KLHL29: variants seen among roughly 807,000 people sequenced by gnomAD.
KLHL29 encodes the protein kelch-like protein 29.
A neutral mutation model predicts 80.4 loss-of-function variants in KLHL29; 21 were observed. The observed-to-expected ratio is 0.26, with a 90% confidence interval of 0.19 to 0.38. KLHL29 has a LOEUF of 0.38. Among genes scored for constraint, KLHL29 ranks in the 10% least tolerant of loss-of-function variants. The pLI, the probability that KLHL29 is intolerant of heterozygous loss-of-function variation, is 1.00. For synonymous variants in KLHL29, 511 were observed against 526.8 expected (o/e 0.97, Z 0.41); for missense variants, 867 against 1,223.9 (o/e 0.71, Z 4.35).
In KLHL29 at chr2:23,642,477, G is replaced by T; in HGVS notation, c.567G>T (p.Leu189=). Residue 189 remains leucine (L), a synonymous_variant, in exon 5 of 14, where the codon CTG becomes CTT. Transcript: ENST00000486442. ...CGGTCATTGGGGTGACCCCCTCACT[G>T]CCTCCCCACGTGGGGCCCCAGCTCC... ...QAPVIGVTPS[L]PPHVGPQLPL... 1 of 1,515,066 alleles carries T rather than the reference G, an allele frequency of 6.6e-7. No individual in the cohort carries two copies. Among genetic ancestry groups the T allele is most frequent in the Non-Finnish European group, 8.9e-7 (1 of 1,126,778 alleles). 93.9% of individuals were successfully genotyped at this position (1,515,066 alleles called of 1,614,324 possible). A position where few individuals can be genotyped will look rare whatever the true frequency, so the allele number is the denominator to read the frequency against.
chr2:23,617,784 G>A (rs1197575396), intron 3 of KLHL29: 1 of 152,230 alleles, frequency 6.6e-6, no homozygotes, highest in Non-Finnish European at 1.5e-5. Context: ...CTTCTTCAGA[G>A]AGTATTAAAG....
intron 5 of KLHL29, among the ~76,000 whole-genome samples, chr2:23,664,910 A>G (rs888534787): frequency 1.3e-5 from 2 of 152,256 alleles, no homozygotes; most frequent in African/African-American, 4.8e-5. Context: ...GACGGGAGCC[A>G]TAGGGAATCT....
intron 2 of KLHL29, among the ~76,000 whole-genome samples, chr2:23,480,862 C>T (rs1336717425): frequency 6.6e-6 from 1 of 152,308 alleles, no homozygotes; most frequent in Admixed American, 6.5e-5. Context: ...ACAGTGCACC[C>T]TCGTTTAGGA....
At chr2:23,407,615 G>A (rs184742093) in intron 1 of KLHL29, among the ~76,000 whole-genome samples, 4 of 151,824 alleles carry the variant, frequency 2.6e-5, no homozygotes, top group African/African-American at 7.3e-5. Context: ...TTGCTTATAC[G>A]AATCATCAAC....
intron 1 of KLHL29, among the ~76,000 whole-genome samples, chr2:23,447,084 C>T (rs1474878880): frequency 1.3e-5 from 2 of 152,226 alleles, no homozygotes; most frequent in Admixed American, 6.5e-5. Context: ...GGTTCAGACA[C>T]GTGTGTTAGA....
intron 1 of KLHL29, among the ~76,000 whole-genome samples, chr2:23,421,707 GTGTC>G (rs1407181093): frequency 3.3e-5 from 5 of 150,616 alleles, no homozygotes; most frequent in African/African-American, 7.3e-5. Context: ...ATGTGTGACT[GTGTC>G]TGTTAGTGTG....
chr2:23,573,109 G>A (rs555344320), intron 3 of KLHL29, among the ~76,000 whole-genome samples: 6 of 152,180 alleles, frequency 3.9e-5, no homozygotes, highest in Admixed American at 2.0e-4. Flanking sequence ...AAGCTGTGTC[G>A]GGGGCGCAGA....
intron 1 of KLHL29, among the ~76,000 whole-genome samples, chr2:23,469,799 G>A (rs1250442106): frequency 1.3e-5 from 2 of 152,122 alleles, no homozygotes; most frequent in African/African-American, 4.8e-5. Context: ...GTGCTGCTGT[G>A]GGTGAGTCAA....
chr2:23,624,729 T>G (rs1056694180), intron 3 of KLHL29, among the ~76,000 whole-genome samples: 2 of 152,248 alleles, frequency 1.3e-5, no homozygotes, highest in African/African-American at 4.8e-5. Flanking sequence ...GGAGAAAGAC[T>G]GTGCCTTTGG....
At chr2:23,686,643 T>A (rs1671272122) in intron 6 of KLHL29, among the ~76,000 whole-genome samples, 1 of 151,870 alleles carries the variant, frequency 6.6e-6, no homozygotes, top group Admixed American at 6.5e-5. Flanking sequence ...CACAGGCCAG[T>A]GTCGGGAGAG....
chr2:23,526,298 A>T (rs1052521275), intron 2 of KLHL29, among the ~76,000 whole-genome samples: 2 of 152,084 alleles, frequency 1.3e-5, no homozygotes, highest in African/African-American at 4.8e-5. Flanking sequence ...GGGGAGGGGA[A>T]ACCAGAGCTG....
At chr2:23,650,926 G>C (rs1038189824) in intron 5 of KLHL29, among the ~76,000 whole-genome samples, 4 of 146,886 alleles carry the variant, frequency 2.7e-5, no homozygotes, top group African/African-American at 1.1e-4. Flanking sequence ...GATGGAGAGG[G>C]AAGGACATCA....
chr2:23,496,720 G>C (rs1396658905), intron 2 of KLHL29, among the ~76,000 whole-genome samples: 1 of 152,198 alleles, frequency 6.6e-6, no homozygotes, highest in Non-Finnish European at 1.5e-5. Context: ...AATTTCTCTG[G>C]CATGCTTCCT....
At chr2:23,498,388 C>T (rs1665332330) in intron 2 of KLHL29, among the ~76,000 whole-genome samples, 1 of 152,350 alleles carries the variant, frequency 6.6e-6, no homozygotes, top group East Asian at 1.9e-4. Flanking sequence ...GTGAGGTGCC[C>T]TGACATCCAG....
At chr2:23,661,637 C>T (rs974532000) in intron 5 of KLHL29, among the ~76,000 whole-genome samples, 4 of 152,232 alleles carry the variant, frequency 2.6e-5, no homozygotes, top group African/African-American at 7.2e-5. Context: ...TTACTCGTGG[C>T]CGAGTAGAGG....
chr2:23,556,949 G>A (rs915072708), intron 2 of KLHL29, among the ~76,000 whole-genome samples: 1 of 152,176 alleles, frequency 6.6e-6, no homozygotes. Flanking sequence ...ACCCAGGTTC[G>A]AGTCCTAGTG....
intron 5 of KLHL29, among the ~76,000 whole-genome samples, chr2:23,665,631 A>C (rs1353594698): frequency 6.6e-6 from 1 of 152,210 alleles, no homozygotes; most frequent in Admixed American, 6.5e-5. Flanking sequence ...GAAGCATGGC[A>C]CCAGCATCTG....
chr2:23,412,952 A>G (rs1438811295), intron 1 of KLHL29, among the ~76,000 whole-genome samples: 1 of 152,120 alleles, frequency 6.6e-6, no homozygotes, highest in Non-Finnish European at 1.5e-5. Flanking sequence ...CACTTTGCCA[A>G]ATTCCTATGC....
chr2:23,644,683 T>C (rs1224073534), intron 5 of KLHL29, among the ~76,000 whole-genome samples: 1 of 152,218 alleles, frequency 6.6e-6, no homozygotes, highest in Non-Finnish European at 1.5e-5. Context: ...TCAATGACCA[T>C]TGCAGAGCTG....
Sources: allele counts gnomAD v4.1 joint callset (sites outside exome capture counted in the v4.1 genomes callset), GRCh38; gene constraint gnomAD v4.1.1; transcripts MANE v1.5; gene names NCBI Gene and HGNC (gene_info 2026-07-23, HGNC 2026-07-21).